SSH2: variants seen among roughly 807,000 people sequenced by gnomAD.
The protein encoded by SSH2 is slingshot protein phosphatase 2.
SSH2 carries 37 observed loss-of-function variants against 135.2 expected under a neutral mutation model. The observed-to-expected ratio is 0.27, with a 90% CI of 0.21 to 0.36. The LOEUF is 0.36. Among genes scored for constraint, SSH2 ranks in the 10% least tolerant of loss-of-function variants. SSH2 has a pLI of 1.00. For missense variants in SSH2, 1,408 were observed against 1,765.3 expected, an observed-to-expected ratio of 0.80 and a Z score of 3.63; for synonymous variants, 628 against 646.2, an observed-to-expected ratio of 0.97 and a Z score of 0.43.
At chr17:29,668,557 G>A (rs577204157) in intron 9 of SSH2, among the ~76,000 whole-genome samples, 3 of 151,802 alleles carry the variant, frequency 2.0e-5, no homozygotes, top group South Asian at 2.1e-4. Context: ...TGGCAAAACC[G>A]CGTATCTACA....
chr17:29,788,122 A>T (rs1039575055), intron 3 of SSH2, among the ~76,000 whole-genome samples: 4 of 152,148 alleles, frequency 2.6e-5, no homozygotes, highest in Non-Finnish European at 5.9e-5. Context: ...ATTGGGTTGT[A>T]TGATGGTTAA....
chr17:29,823,740 G>A (rs1376286257), intron 2 of SSH2, among the ~76,000 whole-genome samples: 1 of 152,034 alleles, frequency 6.6e-6, no homozygotes, highest in African/African-American at 2.4e-5. Context: ...TTAGCTGAGT[G>A]TGGTGACGCG....
chr17:29,718,732 CAAAAAAAAAAAA>C (rs752148237), intron 3 of SSH2, among the ~76,000 whole-genome samples: 2 of 77,322 alleles, frequency 2.6e-5, no homozygotes, highest in Non-Finnish European at 4.8e-5. Flanking sequence ...GATTTCACCT[CAAAAAAAAAAAA>C]AAAAAAAAAA....
intron 3 of SSH2, among the ~76,000 whole-genome samples, chr17:29,738,297 T>C (rs1366908826): frequency 6.6e-6 from 1 of 152,200 alleles, no homozygotes; most frequent in African/African-American, 2.4e-5. Flanking sequence ...ATGGTGTATA[T>C]GTGCCACATT....
chr17:29,816,960 C>A (rs1001921220), intron 2 of SSH2, among the ~76,000 whole-genome samples: 1 of 152,044 alleles, frequency 6.6e-6, no homozygotes, highest in Admixed American at 6.6e-5. Flanking sequence ...ATTATACTTA[C>A]AGAACTATTA....
intron 3 of SSH2, among the ~76,000 whole-genome samples, chr17:29,783,798 G>A (rs2151292213): frequency 6.6e-6 from 1 of 152,174 alleles, no homozygotes; most frequent in Admixed American, 6.5e-5. Flanking sequence ...CGGGCGCGGT[G>A]GCTCACGCCT....
At chr17:29,870,903 G>C (rs761984555) in intron 1 of SSH2, among the ~76,000 whole-genome samples, 1 of 152,156 alleles carries the variant, frequency 6.6e-6, no homozygotes, top group Non-Finnish European at 1.5e-5. Flanking sequence ...TACAATTGAA[G>C]TCTGCACACC....
At chr17:29,835,347 C>T (rs1279538279) in intron 2 of SSH2, among the ~76,000 whole-genome samples, 3 of 152,306 alleles carry the variant, frequency 2.0e-5, no homozygotes, top group East Asian at 1.9e-4. Context: ...TTAGCCAAAA[C>T]GGCATTGCAC....
In SSH2 at chr17:29,900,448, C is replaced by T. The variant is rs1258535394; in HGVS notation, c.63+29490G>A. On this transcript the variant is annotated intron_variant, in intron 1 of 15. Transcript: ENST00000540801. ...AACAAATTTACAAGAAAAAAACAAC[C>T]CCATCAACAAGTGGGCGAAGGATAT... is the stretch of plus-strand genomic sequence containing the variant. Among the ~76,000 whole-genome samples, 3 of 151,966 alleles carry T rather than the reference C, an allele frequency of 2.0e-5. No individual in the cohort carries two copies. In the East Asian group the frequency reaches 5.8e-4, roughly 29 times the overall value.
At chr17:29,842,600 G>C (rs1293691225) in intron 2 of SSH2, among the ~76,000 whole-genome samples, 1 of 152,082 alleles carries the variant, frequency 6.6e-6, no homozygotes, top group Non-Finnish European at 1.5e-5. Flanking sequence ...ACTCAAGAGC[G>C]TAAGATTTTT....
At chr17:29,735,020 T>G (rs993560692) in intron 3 of SSH2, among the ~76,000 whole-genome samples, 1 of 152,096 alleles carries the variant, frequency 6.6e-6, no homozygotes, top group African/African-American at 2.4e-5. Context: ...AGGTTCAAAA[T>G]TGGGGGTGGG....
chr17:29,902,834 G>A (rs542071728), intron 1 of SSH2, among the ~76,000 whole-genome samples: 98 of 152,130 alleles, frequency 6.4e-4, no homozygotes, highest in Admixed American at 1.8e-3. Flanking sequence ...ATTTTCCATG[G>A]TGAATACTTT....
At chr17:29,889,392 G>C (rs933185227) in intron 1 of SSH2, among the ~76,000 whole-genome samples, 9 of 152,282 alleles carry the variant, frequency 5.9e-5, no homozygotes, top group African/African-American at 2.2e-4. Flanking sequence ...GTTGCAGTGA[G>C]CTGATATTGC....
In SSH2 at chr17:29,913,347, A is replaced by AAAAAAAAAAAAAAAAATTAT; in HGVS notation, c.63+16590_63+16591insATAATTTTTTTTTTTTTTTT. On this transcript the variant is annotated intron_variant, in intron 1 of 15. Transcript: ENST00000540801. ...AAAAAAAAAAAAAAAAAAAAAAAAA[A>AAAAAAAAAAAAAAAAATTAT]ATATATATATATATATATATATATA... 1.4e-4 allele frequency among the ~76,000 whole-genome samples: 4 copies of AAAAAAAAAAAAAAAAATTAT among 28,786 alleles called. 1 individual carries two copies. Among genetic ancestry groups the AAAAAAAAAAAAAAAAATTAT allele is most frequent in the Non-Finnish European group, 2.4e-4 (4 of 16,996 alleles). 18.9% of individuals were successfully genotyped at this position (28,786 alleles called of 152,430 possible). A position where few individuals can be genotyped will look rare whatever the true frequency, so the allele number is the denominator to read the frequency against.
At chr17:29,780,958 C>T (rs140885176) in intron 3 of SSH2, among the ~76,000 whole-genome samples, 500 of 151,670 alleles carry the variant, frequency 3.3e-3, no homozygotes, top group African/African-American at 0.012. Context: ...ACTACAGGCG[C>T]CCACCACCAT....
intron 1 of SSH2, among the ~76,000 whole-genome samples, chr17:29,873,452 G>A (rs1187025282): frequency 3.9e-5 from 6 of 151,916 alleles, no homozygotes; most frequent in African/African-American, 9.7e-5. Context: ...CCAGCTGCTC[G>A]GGAGGCTGAG....
At chr17:29,689,197 GGTT>G (rs2038361099) in intron 5 of SSH2, among the ~76,000 whole-genome samples, 1 of 152,024 alleles carries the variant, frequency 6.6e-6, no homozygotes, top group Non-Finnish European at 1.5e-5. Flanking sequence ...CAAGATTCTA[GGTT>G]AAGGAATTAA....
intron 13 of SSH2, among the ~76,000 whole-genome samples, chr17:29,649,898 G>A (rs1438993781): frequency 1.3e-5 from 2 of 152,198 alleles, no homozygotes; most frequent in African/African-American, 2.4e-5. Flanking sequence ...CTTCCTGACC[G>A]TGAAGGTCCT....
chr17:29,835,619 C>T (rs1405887930), intron 2 of SSH2, among the ~76,000 whole-genome samples: 2 of 152,170 alleles, frequency 1.3e-5, no homozygotes, highest in Non-Finnish European at 2.9e-5. Context: ...CCAGCCCCAG[C>T]TCATGCATGA....
Sources: gnomAD v4.1 joint callset for allele counts (sites outside exome capture counted in the v4.1 genomes callset) on GRCh38, gnomAD v4.1.1 for gene constraint, MANE v1.5 for transcripts, NCBI Gene and HGNC (gene_info 2026-07-23, HGNC 2026-07-21) for gene names.